Variants in FAM161B observed in about 807,000 individuals in gnomAD.
The protein encoded by FAM161B is protein FAM161B.
In FAM161B, 46 loss-of-function variants were observed where a neutral mutation model predicts 61.5. The ratio of observed to expected loss-of-function variants is 0.75; its 90% CI spans 0.59 to 0.96. FAM161B has a LOEUF of 0.96. Ranked by LOEUF, FAM161B falls within the 40% of genes least tolerant of loss-of-function variation. FAM161B has a pLI of 0.00. For synonymous variants in FAM161B, 284 were observed against 302.7 expected (o/e 0.94, Z 0.64); for missense variants, 774 against 800.7 (o/e 0.97, Z 0.40).
chr14:73,937,917 G>C, intron 6 of FAM161B, 31 bp downstream of exon 6: 2 of 1,612,158 alleles, frequency 1.2e-6, no homozygotes, highest in Non-Finnish European at 1.7e-6. Flanking sequence ...CCCAAGGCAA[G>C]CACCCCTTTT....
intron 1 of FAM161B, among the ~76,000 whole-genome samples, chr14:73,949,519 A>ATTT (rs35341495): frequency 1.7e-4 from 24 of 138,506 alleles, no homozygotes; most frequent in African/African-American, 2.7e-4. Context: ...CGCCTGGCCA[A>ATTT]TTTTTTTTTT....
At position 73,932,448 on chromosome 14, in the gene FAM161B, A is replaced by G. The variant is rs1566671182; in HGVS notation, c.*1808T>C. On this transcript the variant is annotated 3_prime_UTR_variant, in exon 9 of 9. Transcript: ENST00000286544. ...TCTTCATTTCTTAAGCCCAGGTGAT[A>G]GTTACTCTGTCACCACCAAAAAAGA... is the stretch of plus-strand genomic sequence containing the variant. The G allele has an allele frequency of 2.2e-6, 1 of 453,924 alleles. No homozygotes were observed. Among genetic ancestry groups the G allele is most frequent in the East Asian group, 6.9e-5 (1 of 14,390 alleles). The allele number at this position is 453,924 out of a possible 1,614,324, so 28.1% of individuals were successfully genotyped here.
intron 4 of FAM161B, 26 bp downstream of exon 4, chr14:73,942,343 C>T: frequency 6.2e-7 from 1 of 1,606,012 alleles, no homozygotes; most frequent in Non-Finnish European, 8.5e-7. Flanking sequence ...CAGCCCTGAC[C>T]CTCCCACAGC....
At chr14:73,929,680 T>C (rs543159504), downstream of FAM161B, among the ~76,000 whole-genome samples, 3 of 151,746 alleles carry the variant, frequency 2.0e-5, no homozygotes, top group South Asian at 2.1e-4. Context: ...CTACAAAAAA[T>C]AAAATAAAAT....
At chr14:73,949,801 A>G in intron 1 of FAM161B, 172 bp downstream of exon 1, 3 of 871,752 alleles carry the variant, frequency 3.4e-6, no homozygotes, top group South Asian at 3.5e-5. Flanking sequence ...AGCCTCGTAT[A>G]AAGTCCGAGA....
chr14:73,946,258 AG>A (rs745658260), intron 2 of FAM161B, 27 bp downstream of exon 2: 1 of 1,593,446 alleles, frequency 6.3e-7, no homozygotes, highest in Non-Finnish European at 8.6e-7. Flanking sequence ...GTGTGGAGTG[AG>A]GCAGCCGTGG....
chr14:73,942,441 G>A lies in FAM161B; in HGVS notation c.1200C>T (p.Pro400=). Residue 400 remains proline, a synonymous_variant, in exon 4 of 9, where the codon CCC becomes CCT. Transcript: ENST00000286544. ...GCAGGTTGGCGGTCCTCAGCAAGAA[G>A]GGCTTGTTGCGAGTGGCCTCTTGGG... ...RETQEATRNK[P]FLLRTANLRH... 1 of 1,614,228 alleles carries A rather than the reference G, an allele frequency of 6.2e-7. No individual in the cohort carries two copies. Among genetic ancestry groups the A allele is most frequent in the South Asian group, 1.1e-5 (1 of 91,086 alleles).
At chr14:73,942,952 G>T (rs2056032651) in intron 3 of FAM161B, among the ~76,000 whole-genome samples, 1 of 150,648 alleles carries the variant, frequency 6.6e-6, no homozygotes, top group African/African-American at 2.4e-5. Flanking sequence ...TTTTTCTGGA[G>T]AGCTTGTTAA....
At chr14:73,935,307 C>G (rs1181326207) in intron 8 of FAM161B, among the ~76,000 whole-genome samples, 1 of 152,014 alleles carries the variant, frequency 6.6e-6, no homozygotes, top group African/African-American at 2.4e-5. Context: ...GAGGGTAGAT[C>G]ACGAGGTGAG....
At position 73,949,885 on chromosome 14, in the gene FAM161B, A is replaced by G. The variant is rs1329650713; in HGVS notation, c.54+88T>C. The G allele has an allele frequency of 3.9e-6, 6 of 1,541,310 alleles. No individual in the cohort carries two copies. The Admixed American group carries it at 8.0e-5, about 20-fold the overall frequency. ...TTTTAATCCCACGCCCCTCCGTGAC[A>G]CGCCCCTGCTGTCTGTCTCCAAGGC... On this transcript the variant is annotated intron_variant, in intron 1 of 8. Coordinates refer to ENST00000286544, the MANE Select transcript of FAM161B (RefSeq NM_152445.3).
At chr14:73,923,319 A>G in the FAM161B span, 14 of 1,508,008 alleles carry the variant, frequency 9.3e-6, no homozygotes, top group Non-Finnish European at 1.2e-5. Context: ...AGAGTTGTTA[A>G]TGAGAGGCTT....
downstream of FAM161B, chr14:73,928,072 T>G (rs976171869): frequency 6.5e-6 from 1 of 154,212 alleles, no homozygotes; most frequent in African/African-American, 2.4e-5. Flanking sequence ...CTCCTGACCT[T>G]AGGTGATCCA....
chr14:73,936,835 T>C (rs572152302), intron 7 of FAM161B, among the ~76,000 whole-genome samples: 2 of 152,090 alleles, frequency 1.3e-5, no homozygotes, highest in Non-Finnish European at 2.9e-5. Flanking sequence ...TGCCCTGCCA[T>C]TGGAACTAGG....
chr14:73,947,048 C>T (rs2056073234), intron 1 of FAM161B, among the ~76,000 whole-genome samples: 1 of 152,122 alleles, frequency 6.6e-6, no homozygotes. Context: ...CTTATTTCTA[C>T]TCCTCTGCTT....
chr14:73,944,617 G>C lies in FAM161B; in HGVS notation c.643C>G (p.Gln215Glu). The C allele has an allele frequency of 1.2e-6, 2 of 1,614,054 alleles. No homozygotes were observed. Among genetic ancestry groups the C allele is most frequent in the South Asian group, 1.1e-5 (1 of 91,082 alleles). The change falls in exon 3 of 9, where the codon CAG becomes GAG. Residue 215 changes from glutamine to glutamate, a missense_variant. Gln to Glu is a conservative substitution (Grantham distance 29). Coordinates refer to ENST00000286544, the MANE Select transcript of FAM161B (RefSeq NM_152445.3). ...GCAGGCACAGGCTGTGCCCGGAACTGCCTGTGGCACTCGGCCTCTTCCTCA... is the reference window on the plus strand; with the variant it reads ...GCAGGCACAGGCTGTGCCCGGAACTCCCTGTGGCACTCGGCCTCTTCCTCA... The part of the protein sequence containing the change: ...QGEEEAECHR[Q>E]FRAQPVPAHV...
rs762920803 is a variant in FAM161B at position 73,942,645 on chromosome 14, A to G, written c.996T>C (p.Pro332=). 20 of 1,614,154 alleles carry G rather than the reference A, an allele frequency of 1.2e-5. No homozygotes were observed. The South Asian group carries it at 1.9e-4, about 15-fold the overall frequency. ...TAGCCCGGTTACTAGAGGAGGCGAT[A>G]GGGGAAGAGGCCATCTGGAGCATGT... ...ALDMLQMASS[P]IASSSNRANP... Residue 332 remains proline, a synonymous_variant, in exon 4 of 9, where the codon CCT becomes CCC. Coordinates refer to ENST00000286544, the MANE Select transcript of FAM161B (RefSeq NM_152445.3).
chr14:73,938,632 T>C (rs1594775973), intron 5 of FAM161B, among the ~76,000 whole-genome samples: 1 of 149,858 alleles, frequency 6.7e-6, no homozygotes, highest in African/African-American at 2.5e-5. Flanking sequence ...ATTAGCCGGG[T>C]GCGGTGGTGG....
At chr14:73,947,245 C>T (rs781111767) in intron 1 of FAM161B, among the ~76,000 whole-genome samples, 1 of 151,838 alleles carries the variant, frequency 6.6e-6, no homozygotes, top group Admixed American at 6.6e-5. Flanking sequence ...ATTAGTTGGG[C>T]GTGGTGGCGG....
At position 73,946,396 on chromosome 14, in the gene FAM161B, C is replaced by A. The variant is rs761899403; in HGVS notation, c.264G>T (p.Gln88His). 2 of 1,614,190 alleles carry A rather than the reference C, an allele frequency of 1.2e-6. No homozygotes were observed. Among genetic ancestry groups the A allele is most frequent in the South Asian group, 1.1e-5 (1 of 91,088 alleles). Residue 88 changes from glutamine to histidine, a missense_variant, in exon 2 of 9, where the codon CAG becomes CAT. Coordinates refer to ENST00000286544, the MANE Select transcript of FAM161B (RefSeq NM_152445.3). The part of the protein sequence containing the change: ...GRWCLLESLF[Q>H]SDPESDENLS... ...GGTTTTCATCACTCTCTGGGTCAGA[C>A]TGAAAGAGAGACTCCAACAGACACC...
Sources: allele counts gnomAD v4.1 joint callset (sites outside exome capture counted in the v4.1 genomes callset), GRCh38; gene constraint gnomAD v4.1.1; transcripts MANE v1.5; gene names NCBI Gene and HGNC (gene_info 2026-07-23, HGNC 2026-07-21).